The following MAPK13 variants were observed in gnomAD, a reference collection of about 807,000 sequenced individuals.
MAPK13 encodes the protein MAP kinase 13.
Under a neutral mutation model 53.5 loss-of-function variants are expected in MAPK13, and 39 were observed. The observed-to-expected ratio is 0.73, with a 90% CI of 0.56 to 0.95. The LOEUF is 0.95. Ranked by LOEUF, MAPK13 falls within the 40% of genes least tolerant of loss-of-function variation. The pLI is 0.00. For synonymous variants in MAPK13, 179 were observed against 190.9 expected, an observed-to-expected ratio of 0.94 and a Z score of 0.51; for missense variants, 460 against 471.8, an observed-to-expected ratio of 0.98 and a Z score of 0.23.
At chr6:36,139,253 A>T (rs994298051) in intron 11 of MAPK13, 41 bp from the exon 12 acceptor site, 8 of 1,582,470 alleles carry the variant, frequency 5.1e-6, no homozygotes, top group Non-Finnish European at 6.9e-6. Context: ...TTCTCGCCAC[A>T]GCACCTCTTT....
intron 4 of MAPK13, 35 bp downstream of exon 4, chr6:36,135,896 C>A: frequency 5.6e-6 from 9 of 1,598,568 alleles, no homozygotes; most frequent in Non-Finnish European, 7.7e-6. Context: ...AGAGGGGACG[C>A]CTTGCTGTCT....
At chr6:36,138,217 C>T in intron 8 of MAPK13, 148 bp from the exon 9 acceptor site, 2 of 627,014 alleles carry the variant, frequency 3.2e-6, no homozygotes, top group Non-Finnish European at 2.9e-6. Context: ...AAGAATAAGC[C>T]TCCTCCTGAG....
chr6:36,135,932 G>A (rs959696902), intron 4 of MAPK13, 71 bp downstream of exon 4: 51 of 1,597,002 alleles, frequency 3.2e-5, no homozygotes, highest in Non-Finnish European at 4.1e-5. Flanking sequence ...GGAGGCTGGA[G>A]GGAGCGCACT....
In MAPK13 at chr6:36,130,791, G is replaced by A; in HGVS notation, c.119+90G>A. On this transcript the variant is annotated intron_variant, in intron 1 of 11. Transcript: ENST00000211287. The surrounding 1 kb of genome is among the most constrained non-coding windows in gnomAD (Gnocchi z 4.5). ...CGCCCTGGGCTGGCCCCTCGCCAGC[G>A]CCACCTTGACCGCGGACCTCAAGGC... 3.0e-6 allele frequency: 2 copies of A among 675,792 alleles called. No homozygotes were observed. Among genetic ancestry groups the A allele is most frequent in the Non-Finnish European group, 2.3e-6 (1 of 427,298 alleles). The allele number at this position is 675,792 out of a possible 1,614,324, so 41.9% of individuals were successfully genotyped here.
At chr6:36,137,658 A>AC (rs1766444404) in intron 8 of MAPK13, among the ~76,000 whole-genome samples, 1 of 149,716 alleles carries the variant, frequency 6.7e-6, no homozygotes, top group Non-Finnish European at 1.5e-5. Context: ...TCAAAAAAAA[A>AC]AAAAAAAAAA....
In MAPK13 at chr6:36,138,356, G is replaced by A. The variant is rs776485660; in HGVS notation, c.683-9G>A. On this transcript the variant is annotated splice_polypyrimidine_tract_variant and intron_variant, in intron 8 of 11. Coordinates refer to ENST00000211287, the MANE Select transcript of MAPK13 (RefSeq NM_002754.5). ...GGAGAGCAAGGCTAAGCCTTAACCT[G>A]CCACCAAGACCTGGACCAGCTGACC... The A allele has an allele frequency of 1.7e-5, 27 of 1,613,192 alleles. 1 individual carries two copies. In the East Asian group the frequency reaches 5.8e-4, roughly 35 times the overall value.
chr6:36,132,224 C>T, intron 2 of MAPK13, among the ~76,000 whole-genome samples: 1 of 152,254 alleles, frequency 6.6e-6, no homozygotes. Flanking sequence ...AGGTCAGGGG[C>T]AGGGAGTTTG....
intron 11 of MAPK13, 99 bp from the exon 12 acceptor site, chr6:36,139,195 C>A: frequency 6.9e-7 from 1 of 1,445,014 alleles, no homozygotes; most frequent in Admixed American, 1.8e-5. Flanking sequence ...GCTTCTTTCT[C>A]CTTGAGCTGA....
At chr6:36,139,120 C>A (rs1766482826) in intron 11 of MAPK13, 65 bp downstream of exon 11, 8 of 1,510,664 alleles carry the variant, frequency 5.3e-6, no homozygotes, top group Non-Finnish European at 7.1e-6. Context: ...CTTCCTCCAT[C>A]TTTGTGCCTG....
At chr6:36,131,433 G>A (rs1766321300) in intron 2 of MAPK13, 33 bp downstream of exon 2, 3 of 1,597,096 alleles carry the variant, frequency 1.9e-6, no homozygotes, top group South Asian at 2.2e-5. Context: ...AGGGGGTGGG[G>A]GCTGCCCTGG....
intron 8 of MAPK13, among the ~76,000 whole-genome samples, chr6:36,137,580 G>C (rs1766442152): frequency 6.6e-6 from 1 of 150,548 alleles, no homozygotes; most frequent in African/African-American, 2.4e-5. Context: ...AGCCTGGGAG[G>C]TTGAGGCTGC....
intron 11 of MAPK13, 84 bp from the exon 12 acceptor site, chr6:36,139,210 G>C: frequency 6.9e-7 from 1 of 1,454,382 alleles, no homozygotes; most frequent in Non-Finnish European, 9.6e-7. Flanking sequence ...AGCTGACTTC[G>C]CTCTCCATGC....
At chr6:36,132,723 C>T (rs990406143) in intron 3 of MAPK13, 44 bp downstream of exon 3, 6 of 1,605,846 alleles carry the variant, frequency 3.7e-6, no homozygotes, top group African/African-American at 1.3e-5. Flanking sequence ...GCAGGCCTTA[C>T]ATGCCGCTGG....
rs1297404529 is a variant in MAPK13 at position 36,130,885 on chromosome 6, TG to T, written c.119+189del. 5.2e-5 allele frequency: 27 copies of T among 514,574 alleles called. No individual in the cohort carries two copies. The highest frequency in any genetic ancestry group is 1.0e-3 in the Middle Eastern group (2 of 1,940). The allele number at this position is 514,574 out of a possible 1,614,324, so 31.9% of individuals were successfully genotyped here. On this transcript the variant is annotated intron_variant, in intron 1 of 11. Transcript: ENST00000211287. The surrounding 1 kb of genome is among the most constrained non-coding windows in gnomAD (Gnocchi z 4.5). ...TCACCGAGTGGCTGAGTGAGGTCTC[TG>T]GGGGTTGAGTTGGGACTGGGCCTGG...
At chr6:36,133,593 T>C (rs1581880720) in intron 3 of MAPK13, among the ~76,000 whole-genome samples, 1 of 152,274 alleles carries the variant, frequency 6.6e-6, no homozygotes, top group South Asian at 2.1e-4. Flanking sequence ...GGGGGAAAGA[T>C]AACGAACTCC....
intron 11 of MAPK13, 72 bp from the exon 12 acceptor site, chr6:36,139,222 G>C: frequency 2.0e-6 from 3 of 1,491,882 alleles, no homozygotes; most frequent in African/African-American, 1.4e-5. Flanking sequence ...TCTCCATGCT[G>C]TCTCTGAAGG....
At position 36,140,207 on chromosome 6, in the gene MAPK13, C is replaced by A. The variant is rs944183236; in HGVS notation, c.*834C>A. 6.6e-6 allele frequency: 1 copy of A among 152,270 alleles called. No homozygotes were observed. The highest frequency in any genetic ancestry group is 2.4e-5 in the African/African-American group (1 of 41,450). The allele number at this position is 152,270 out of a possible 1,614,324, so 9.4% of individuals were successfully genotyped here. On this transcript the variant is annotated 3_prime_UTR_variant, in exon 12 of 12. Transcript: ENST00000211287. ...ATTAAGGGAGTTGCAGAGAGAGCTG[C>A]AGCTGGTGCGATTGCATTCAGGTTA... is the stretch of plus-strand genomic sequence containing the variant.
At position 36,138,697 on chromosome 6, in the gene MAPK13, T is replaced by A. The variant is rs1189100137; in HGVS notation, c.763-5T>A. The A allele has an allele frequency of 6.2e-7, 1 of 1,613,932 alleles. No homozygotes were observed. The highest frequency in any genetic ancestry group is 2.2e-5 in the East Asian group (1 of 44,886). ...TAAGGGGTTTGATGCTTTTCTGTCTTCCAGGCCAAATCCTACATCCAGTCC... is the reference window on the plus strand; with the variant it reads ...TAAGGGGTTTGATGCTTTTCTGTCTACCAGGCCAAATCCTACATCCAGTCC... On this transcript the variant is annotated splice_region_variant and splice_polypyrimidine_tract_variant and intron_variant, in intron 9 of 11. Transcript: ENST00000211287.
chr6:36,134,154 T>C (rs1766370483), intron 3 of MAPK13, among the ~76,000 whole-genome samples: 1 of 152,026 alleles, frequency 6.6e-6, no homozygotes, highest in African/African-American at 2.4e-5. Flanking sequence ...ACAGAGAGGC[T>C]TCAGGAAGCA....
Sources: gnomAD v4.1 joint callset for allele counts (sites outside exome capture counted in the v4.1 genomes callset) on GRCh38, gnomAD v4.1.1 for gene constraint, Gnocchi (gnomAD v3.1) non-coding constraint, MANE v1.5 for transcripts, NCBI Gene and HGNC (gene_info 2026-07-23, HGNC 2026-07-21) for gene names.